The following PCNT variants were observed in gnomAD, a reference collection of about 807,000 sequenced individuals.
PCNT encodes the protein kendrin.
A neutral mutation model predicts 380.4 loss-of-function variants in PCNT; 319 were observed. That is an observed-to-expected ratio of 0.84 (90% CI 0.77 to 0.92). The LOEUF is 0.92. PCNT is among the 40% of genes least tolerant of loss of function. PCNT has a pLI of 0.00. For missense variants in PCNT, 4,400 were observed against 4,255.3 expected, an observed-to-expected ratio of 1.03 and a Z score of -0.95; for synonymous variants, 1,845 against 1,735.2, an observed-to-expected ratio of 1.06 and a Z score of -1.57.
chr21:46,338,078 T>C (rs1233216303), intron 3 of PCNT, among the ~76,000 whole-genome samples: 1 of 152,094 alleles, frequency 6.6e-6, no homozygotes, highest in African/African-American at 2.4e-5. Flanking sequence ...AGGGTCTCAC[T>C]GTGTTGACAG....
At chr21:46,370,089 C>T (rs551883813) in intron 15 of PCNT, among the ~76,000 whole-genome samples, 2 of 152,282 alleles carry the variant, frequency 1.3e-5, no homozygotes, top group South Asian at 2.1e-4. Context: ...TTCATCAGAG[C>T]GTTCAGGCAC....
intron 26 of PCNT, 41 bp downstream of exon 26, chr21:46,401,762 C>T: frequency 6.2e-7 from 1 of 1,602,596 alleles, no homozygotes; most frequent in Non-Finnish European, 8.5e-7. Context: ...AGCCCTGGGT[C>T]AGTGTCCAGT....
intron 34 of PCNT, 73 bp downstream of exon 34, chr21:46,427,868 CTG>C: frequency 1.3e-6 from 2 of 1,508,934 alleles, no homozygotes; most frequent in Non-Finnish European, 1.8e-6. Flanking sequence ...GTGACACAGA[CTG>C]TTTTGTGTGT....
intron 32 of PCNT, among the ~76,000 whole-genome samples, chr21:46,423,736 AGG>A (rs2087357574): frequency 4.2e-4 from 1 of 2,372 alleles, no homozygotes; most frequent in African/African-American, 2.6e-3. Context: ...GGGGAGGGGG[AGG>A]GGAAGAGGGG....
chr21:46,413,282 C>T lies in PCNT; in HGVS notation c.6150+290C>T, dbSNP rs191086023. On this transcript the variant is annotated intron_variant, in intron 29 of 46. Transcript: ENST00000359568. ...GCCCCCCTGGGAGAGGCTGGACACG[C>T]GGCAGCAAGGTGTGGGGAACGGGGA... Among the ~76,000 whole-genome samples the T allele has an allele frequency of 1.6e-4, 14 of 87,608 alleles. 1 individual carries two copies. The highest frequency in any genetic ancestry group is 2.8e-4 in the East Asian group (1 of 3,528). The allele number at this position is 87,608 out of a possible 152,430, so 57.5% of individuals were successfully genotyped here.
chr21:46,367,237 G>A, intron 15 of PCNT, 98 bp downstream of exon 15: 1 of 1,008,562 alleles, frequency 9.9e-7, no homozygotes, highest in Non-Finnish European at 1.5e-6. Context: ...TGCTGTGTGT[G>A]CCTGTGCGGG....
At chr21:46,389,008 C>A in intron 18 of PCNT, 124 bp downstream of exon 18, 1 of 1,431,286 alleles carries the variant, frequency 7.0e-7, no homozygotes, top group Non-Finnish European at 9.5e-7. Context: ...TGGTTTCCTG[C>A]TAGTTTCCGC....
chr21:46,443,868 G>T lies in PCNT; in HGVS notation c.9759G>T (p.Arg3253=), dbSNP rs1304050552. 3.7e-6 allele frequency: 6 copies of T among 1,613,174 alleles called. No individual in the cohort carries two copies. The highest frequency in any genetic ancestry group is 5.1e-6 in the Non-Finnish European group (6 of 1,179,998). ...PPRTRESPPT[R]DVPSGHTRDP... is the part of the protein sequence containing the mutation. ...GAACCAGAGAGTCCCCCCCAACCCG[G>T]GATGTACCCTCTGGCCACACCAGGG... Residue 3253 remains arginine, a synonymous_variant, in exon 45 of 47, where the codon CGG becomes CGT. Coordinates refer to ENST00000359568, the MANE Select transcript of PCNT (RefSeq NM_006031.6).
chr21:46,396,221 G>T (rs559209842), intron 21 of PCNT, among the ~76,000 whole-genome samples: 13 of 152,250 alleles, frequency 8.5e-5, no homozygotes, highest in Non-Finnish European at 1.5e-4. Flanking sequence ...TGGTTTTGCT[G>T]CTGGAAGAGA....
At position 46,391,336 on chromosome 21, in the gene PCNT, G is replaced by C. The variant is rs767908478; in HGVS notation, c.4176G>C (p.Arg1392=). 4.5e-6 allele frequency: 7 copies of C among 1,556,906 alleles called. No homozygotes were observed. Among genetic ancestry groups the C allele is most frequent in the Admixed American group, 1.9e-5 (1 of 51,416 alleles). The part of the protein sequence containing the change: ...LREECTRLWS[R]GEATATDAEA... ...AGGAGTGCACCCGTCTGTGGAGTCGGGGGGAGGCCACAGCCACGGACGCCG... is the reference window on the plus strand; with the variant it reads ...AGGAGTGCACCCGTCTGTGGAGTCGCGGGGAGGCCACAGCCACGGACGCCG... The change falls in exon 21 of 47, where the codon CGG becomes CGC. Residue 1392 remains arginine (R), a synonymous_variant. Coordinates refer to ENST00000359568, the MANE Select transcript of PCNT (RefSeq NM_006031.6).
chr21:46,441,546 C>A (rs1055175554), intron 43 of PCNT, among the ~76,000 whole-genome samples: 18 of 152,156 alleles, frequency 1.2e-4, no homozygotes, highest in African/African-American at 4.3e-4. Flanking sequence ...GTCATCGCGG[C>A]TGCAGGCTGG....
intron 38 of PCNT, among the ~76,000 whole-genome samples, chr21:46,434,242 A>G (rs941116093): frequency 6.6e-6 from 1 of 152,206 alleles, no homozygotes; most frequent in Non-Finnish European, 1.5e-5. Flanking sequence ...TTTCCTTACT[A>G]GAAAATAGAA....
At chr21:46,361,708 G>A (rs1370914486) in intron 13 of PCNT, among the ~76,000 whole-genome samples, 4 of 152,166 alleles carry the variant, frequency 2.6e-5, no homozygotes, top group Admixed American at 2.6e-4. Flanking sequence ...TCCCTTCAGC[G>A]TGAAGGATCT....
At chr21:46,417,643 G>A (rs1463165184) in intron 30 of PCNT, among the ~76,000 whole-genome samples, 2 of 152,188 alleles carry the variant, frequency 1.3e-5, no homozygotes, top group African/African-American at 2.4e-5. Context: ...GCTCATGCTT[G>A]TAGTCTCAGC....
At chr21:46,327,405 T>C (rs1368429151) in intron 2 of PCNT, among the ~76,000 whole-genome samples, 1 of 151,994 alleles carries the variant, frequency 6.6e-6, no homozygotes, top group Non-Finnish European at 1.5e-5. Context: ...TCTTTTTTTT[T>C]CTTTTGTTTG....
intron 17 of PCNT, among the ~76,000 whole-genome samples, chr21:46,387,668 C>A (rs1347277793): frequency 6.6e-6 from 1 of 152,102 alleles, no homozygotes; most frequent in Non-Finnish European, 1.5e-5. Flanking sequence ...CCAGAATCTT[C>A]GGTTTCGCGG....
chr21:46,368,225 C>T (rs965134086), intron 15 of PCNT, among the ~76,000 whole-genome samples: 1 of 151,846 alleles, frequency 6.6e-6, no homozygotes, highest in Non-Finnish European at 1.5e-5. Context: ...GCGGGCAGAT[C>T]ACAAGGTCAG....
At chr21:46,356,504 G>A (rs545445480) in intron 12 of PCNT, among the ~76,000 whole-genome samples, 1 of 152,250 alleles carries the variant, frequency 6.6e-6, no homozygotes, top group African/African-American at 2.4e-5. Flanking sequence ...TGGGCCAGTG[G>A]GGGTAGCGTG....
chr21:46,438,776 A>G (rs1457771775), intron 41 of PCNT, among the ~76,000 whole-genome samples: 1 of 150,724 alleles, frequency 6.6e-6, no homozygotes, highest in Admixed American at 6.6e-5. Flanking sequence ...AGGTTCAAGC[A>G]ATTCTCCTGT....
Sources: allele counts gnomAD v4.1 joint callset (sites outside exome capture counted in the v4.1 genomes callset), GRCh38; gene constraint gnomAD v4.1.1; transcripts MANE v1.5; gene names NCBI Gene and HGNC (gene_info 2026-07-23, HGNC 2026-07-21).